Variants in PDE4D observed in about 807,000 individuals in gnomAD.
The protein encoded by PDE4D is phosphodiesterase 4D.
PDE4D carries 24 observed loss-of-function variants against 87.4 expected under a neutral mutation model. The ratio of observed to expected loss-of-function variants is 0.27; its 90% CI spans 0.20 to 0.39. The LOEUF is 0.39. Among genes scored for constraint, PDE4D ranks in the 10% least tolerant of loss-of-function variants. The pLI, the probability that PDE4D is intolerant of heterozygous loss-of-function variation, is 1.00. For synonymous variants in PDE4D, 384 were observed against 383.2 expected (o/e 1.00, Z -0.02); for missense variants, 714 against 1,041.0 (o/e 0.69, Z 4.32).
At chr5:60,060,953 G>A (rs1406419298) in intron 2 of PDE4D, among the ~76,000 whole-genome samples, 1 of 152,054 alleles carries the variant, frequency 6.6e-6, no homozygotes. Context: ...AGCTACTTCT[G>A]ACAAACCCAC....
chr5:60,520,507 T>C (rs965897458), intron 1 of PDE4D, among the ~76,000 whole-genome samples: 3 of 152,212 alleles, frequency 2.0e-5, no homozygotes, highest in African/African-American at 7.2e-5. Flanking sequence ...TGCCACAATA[T>C]TTGATTTTCC....
At chr5:60,017,086 CT>C (rs1228286963) in intron 2 of PDE4D, among the ~76,000 whole-genome samples, 1 of 152,160 alleles carries the variant, frequency 6.6e-6, no homozygotes, top group African/African-American at 2.4e-5. Context: ...CATTCATCTT[CT>C]TGTATACCTT....
At chr5:60,247,275 C>A (rs1445245470) in intron 1 of PDE4D, among the ~76,000 whole-genome samples, 1 of 151,960 alleles carries the variant, frequency 6.6e-6, no homozygotes, top group African/African-American at 2.4e-5. Flanking sequence ...TTCAATTCAA[C>A]CTTTACTTCT....
At chr5:59,520,665 T>TAA (rs775783011) in intron 1 of PDE4D, among the ~76,000 whole-genome samples, 10 of 148,450 alleles carry the variant, frequency 6.7e-5, no homozygotes, top group African/African-American at 2.2e-4. Flanking sequence ...GAACCTTTAT[T>TAA]AAAAAAAAAA....
At chr5:58,995,722 A>T (rs1749061272) in intron 6 of PDE4D, among the ~76,000 whole-genome samples, 1 of 152,210 alleles carries the variant, frequency 6.6e-6, no homozygotes, top group African/African-American at 2.4e-5. Flanking sequence ...CTGTAGTTAT[A>T]ACCATAAAAA....
At chr5:59,921,736 G>C (rs186385198) in intron 3 of PDE4D, among the ~76,000 whole-genome samples, 1 of 152,250 alleles carries the variant, frequency 6.6e-6, no homozygotes, top group Non-Finnish European at 1.5e-5. Context: ...TATCAATTTT[G>C]TGGGTAACAG....
At chr5:60,500,254 T>C (rs1750007785) in intron 1 of PDE4D, among the ~76,000 whole-genome samples, 1 of 151,962 alleles carries the variant, frequency 6.6e-6, no homozygotes, top group Non-Finnish European at 1.5e-5. Context: ...CAGTGAGCCA[T>C]CCATGATTGT....
At chr5:60,037,370 T>C (rs532268763) in intron 2 of PDE4D, among the ~76,000 whole-genome samples, 1 of 152,220 alleles carries the variant, frequency 6.6e-6, no homozygotes, top group South Asian at 2.1e-4. Flanking sequence ...ACTAGATCTT[T>C]ACAAAAAGAT....
chr5:59,722,902 T>C (rs1218087804), intron 1 of PDE4D, among the ~76,000 whole-genome samples: 1 of 152,148 alleles, frequency 6.6e-6, no homozygotes, highest in Non-Finnish European at 1.5e-5. Context: ...GTTTGCCCTT[T>C]TTCTGTTGTT....
At chr5:59,866,164 T>C (rs1458953537) in intron 1 of PDE4D, among the ~76,000 whole-genome samples, 4 of 152,178 alleles carry the variant, frequency 2.6e-5, no homozygotes, top group Non-Finnish European at 5.9e-5. Context: ...CAATGACAAC[T>C]GTATGTTGAC....
intron 2 of PDE4D, among the ~76,000 whole-genome samples, chr5:60,031,236 T>C (rs1190005879): frequency 6.6e-6 from 1 of 152,248 alleles, no homozygotes; most frequent in Non-Finnish European, 1.5e-5. Context: ...ATTTAGTCTA[T>C]AGATACAAGA....
intron 5 of PDE4D, among the ~76,000 whole-genome samples, chr5:59,157,760 G>A (rs1223707722): frequency 6.6e-6 from 1 of 152,094 alleles, no homozygotes; most frequent in East Asian, 1.9e-4. Context: ...CTTGCTCCAG[G>A]AAACATTGCA....
chr5:59,785,445 A>G (rs763746061), intron 1 of PDE4D, among the ~76,000 whole-genome samples: 41 of 152,232 alleles, frequency 2.7e-4, no homozygotes, highest in Non-Finnish European at 2.9e-4. Context: ...GTATTAGTGG[A>G]AAAAGCACAA....
In PDE4D at chr5:59,762,374, G is replaced by A. The variant is rs553094925; in HGVS notation, c.455+130794C>T. Among the ~76,000 whole-genome samples the A allele has an allele frequency of 5.4e-4, 58 of 107,520 alleles. 1 individual carries two copies. The highest frequency in any genetic ancestry group is 2.3e-3 in the South Asian group (9 of 3,960). 70.5% of individuals were successfully genotyped at this position (107,520 alleles called of 152,430 possible). The stretch of plus-strand genomic sequence containing the variant: ...CATATATGTGTATATGGGTACACAT[G>A]TGTATATGTGTATATGGGTACACAT... On this transcript the variant is annotated intron_variant, in intron 1 of 14. Transcript: ENST00000340635.
intron 1 of PDE4D, among the ~76,000 whole-genome samples, chr5:59,849,964 C>A (rs1744430334): frequency 1.3e-5 from 2 of 151,830 alleles, no homozygotes; most frequent in African/African-American, 4.8e-5. Flanking sequence ...AATATGAAGC[C>A]AATAAGCTGG....
At chr5:59,315,988 C>G (rs1347392113) in intron 1 of PDE4D, among the ~76,000 whole-genome samples, 2 of 152,158 alleles carry the variant, frequency 1.3e-5, no homozygotes, top group Non-Finnish European at 2.9e-5. Context: ...CAGTTGCCCA[C>G]TTGGTCCCTT....
intron 1 of PDE4D, among the ~76,000 whole-genome samples, chr5:59,449,459 C>G (rs1798822343): frequency 1.3e-5 from 2 of 152,172 alleles, no homozygotes; most frequent in South Asian, 4.1e-4. Context: ...CCAGTAAAAC[C>G]TTGAACCCAT....
intron 5 of PDE4D, among the ~76,000 whole-genome samples, chr5:59,060,744 A>AT: frequency 6.6e-6 from 1 of 152,236 alleles, no homozygotes; most frequent in African/African-American, 2.4e-5. Flanking sequence ...TGATTTGAAT[A>AT]TATTGTGTGG....
intron 1 of PDE4D, among the ~76,000 whole-genome samples, chr5:59,490,934 G>T (rs1346683770): frequency 6.6e-6 from 1 of 152,018 alleles, no homozygotes; most frequent in Non-Finnish European, 1.5e-5. Context: ...AAGAACATGA[G>T]TTCCACGATC....
Sources: allele counts gnomAD v4.1 joint callset (sites outside exome capture counted in the v4.1 genomes callset), GRCh38; gene constraint gnomAD v4.1.1; transcripts MANE v1.5; gene names NCBI Gene and HGNC (gene_info 2026-07-23, HGNC 2026-07-21).